ALMS1: variants seen among roughly 807,000 people sequenced by gnomAD.
ALMS1 encodes the protein ALMS1 centrosome and basal body associated protein, also known as centrosome-associated protein ALMS1.
Under a neutral mutation model 352.2 loss-of-function variants are expected in ALMS1, and 271 were observed. The observed-to-expected ratio is 0.77, with a 90% CI of 0.70 to 0.85. The LOEUF (loss-of-function observed/expected upper bound fraction) is 0.85. ALMS1 is among the 40% of genes least tolerant of loss of function. The pLI is 0.00. For synonymous variants in ALMS1, 1,865 were observed against 1,761.2 expected, an observed-to-expected ratio of 1.06 and a Z score of -1.48; for missense variants, 5,445 against 4,870.7, an observed-to-expected ratio of 1.12 and a Z score of -3.51.
Position 73,489,771 on chromosome 2 carries a change from C to G in ALMS1, c.7812C>G (p.Phe2604Leu), listed in dbSNP as rs201739856. 3.5e-5 allele frequency: 56 copies of G among 1,614,040 alleles called. No individual in the cohort carries two copies. Among genetic ancestry groups the G allele is most frequent in the Non-Finnish European group, 4.2e-5 (50 of 1,180,036 alleles). ...HPQLDRHPCA[F>L]RSAGPSEMTR... The stretch of plus-strand genomic sequence containing the variant: ...AACTAGATAGACACCCTTGTGCTTT[C>G]AGATCTGCTGGACCCTCAGAAATGA... The change falls in exon 10 of 23, where the codon TTC becomes TTG. Residue 2604 changes from phenylalanine to leucine, a missense_variant. By Grantham distance (22) the Phe-to-Leu change is conservative. Coordinates refer to ENST00000613296, the MANE Select transcript of ALMS1 (RefSeq NM_001378454.1).
intron 21 of ALMS1, 97 bp downstream of exon 21, chr2:73,603,401 C>A (rs891432745): frequency 4.9e-6 from 5 of 1,019,594 alleles, no homozygotes; most frequent in Admixed American, 3.8e-5. Flanking sequence ...GTATTATACT[C>A]AAGTTTAAAC....
rs565214018 is a variant in ALMS1 at position 73,450,228 on chromosome 2, C to T, written c.3701C>T (p.Pro1234Leu). The change falls in exon 8 of 23, where the codon CCA (proline) becomes CTA (leucine). Residue 1234 changes from proline (P) to leucine (L), a missense_variant. Coordinates refer to ENST00000613296, the MANE Select transcript of ALMS1 (RefSeq NM_001378454.1). Reference protein sequence around the residue: ...PADQKTGTPTPTSASYSHTEK... With the variant: ...PADQKTGTPTLTSASYSHTEK... ...GACCAGAAGACTGGGACACCAACTCCAACCTCTGCTTCTTACTCACACACA... is the reference window on the plus strand; with the variant it reads ...GACCAGAAGACTGGGACACCAACTCTAACCTCTGCTTCTTACTCACACACA... 1.9e-6 allele frequency: 3 copies of T among 1,613,188 alleles called. No individual in the cohort carries two copies. In the African/African-American group the frequency reaches 4.0e-5, roughly 22 times the overall value.
In ALMS1 at chr2:73,486,375, G is replaced by A. The variant is rs189875060; in HGVS notation, c.7675-3259G>A. On this transcript the variant is annotated intron_variant, in intron 9 of 22. Coordinates refer to ENST00000613296, the MANE Select transcript of ALMS1 (RefSeq NM_001378454.1). The stretch of plus-strand genomic sequence containing the variant: ...CCAGCAGAGATGAAAGTAAGTCCTG[G>A]GTTCCTCACTTGGCCTTTGCTGGTG... 1.3e-4 allele frequency among the ~76,000 whole-genome samples: 20 copies of A among 152,248 alleles called. 1 individual carries two copies. The highest frequency in any genetic ancestry group is 9.8e-4 in the Admixed American group (15 of 15,288).
chr2:73,475,128 G>C (rs1266194051), intron 9 of ALMS1, among the ~76,000 whole-genome samples: 2 of 151,998 alleles, frequency 1.3e-5, no homozygotes, highest in East Asian at 3.8e-4. Flanking sequence ...TAGATACTTT[G>C]TTTACTCATT....
Position 73,404,768 on chromosome 2 carries a change from A to G in ALMS1, c.325-3854A>G, listed in dbSNP as rs1670939795. On this transcript the variant is annotated intron_variant, in intron 1 of 22. Transcript: ENST00000613296. ...TTTGTCTGACTTTGGTATCAGGATA[A>G]TGCTGGCCTCATAGAATGATTTGGA... Among the ~76,000 whole-genome samples, 6 of 152,144 alleles carry G rather than the reference A, an allele frequency of 3.9e-5. No individual in the cohort carries two copies. The South Asian group carries it at 1.2e-3, about 32-fold the overall frequency.
Position 73,451,046 on chromosome 2 carries a change from G to A in ALMS1, c.4519G>A (p.Gly1507Arg). 1 of 1,613,894 alleles carries A rather than the reference G, an allele frequency of 6.2e-7. No homozygotes were observed. The highest frequency in any genetic ancestry group is 1.3e-5 in the African/African-American group (1 of 74,954). Reference protein sequence around the residue: ...EESLKVSVAPGPVGQTTGAPT... With the variant: ...EESLKVSVAPRPVGQTTGAPT... Reference sequence around the variant, plus strand: ...GTCTCTGAAAGTTTCAGTTGCTCCTGGACCAGTTGGCCAGACAACTGGCGC... The same window carrying A: ...GTCTCTGAAAGTTTCAGTTGCTCCTAGACCAGTTGGCCAGACAACTGGCGC... The change falls in exon 8 of 23, where the codon GGA becomes AGA. Residue 1507 changes from glycine to arginine, a missense_variant. Gly to Arg is a moderately radical substitution (Grantham distance 125). Coordinates refer to ENST00000613296, the MANE Select transcript of ALMS1 (RefSeq NM_001378454.1).
intron 12 of ALMS1, among the ~76,000 whole-genome samples, chr2:73,540,580 A>G (rs897638355): frequency 6.6e-6 from 1 of 152,246 alleles, no homozygotes; most frequent in Non-Finnish European, 1.5e-5. Flanking sequence ...CAGACTGGCA[A>G]ATTGGATAAA....
At chr2:73,476,297 G>C (rs1361915923) in intron 9 of ALMS1, among the ~76,000 whole-genome samples, 1 of 152,068 alleles carries the variant, frequency 6.6e-6, no homozygotes, top group African/African-American at 2.4e-5. Flanking sequence ...CCATTCATCT[G>C]TTGATAGACA....
intron 15 of ALMS1, among the ~76,000 whole-genome samples, chr2:73,565,725 A>G (rs1257015288): frequency 6.6e-6 from 1 of 152,242 alleles, no homozygotes; most frequent in Non-Finnish European, 1.5e-5. Context: ...ATATGTAATG[A>G]GAAATATATT....
intron 17 of ALMS1, among the ~76,000 whole-genome samples, chr2:73,599,855 T>TATAG (rs1675635661): frequency 6.6e-6 from 1 of 152,240 alleles, no homozygotes; most frequent in South Asian, 2.1e-4. Context: ...GAATTTAACC[T>TATAG]ATAGATATAC....
chr2:73,597,057 G>T (rs1675568099), intron 16 of ALMS1, among the ~76,000 whole-genome samples: 1 of 151,928 alleles, frequency 6.6e-6, no homozygotes, highest in African/African-American at 2.4e-5. Flanking sequence ...TCCAATCCAT[G>T]TATGGTGAGT....
chr2:73,466,640 A>G (rs1672352894), intron 9 of ALMS1, among the ~76,000 whole-genome samples: 1 of 152,126 alleles, frequency 6.6e-6, no homozygotes, highest in Admixed American at 6.6e-5. Context: ...TTAAAGTATA[A>G]TAATAATAAA....
chr2:73,442,498 A>G (rs1197528070), intron 7 of ALMS1, among the ~76,000 whole-genome samples: 1 of 152,130 alleles, frequency 6.6e-6, no homozygotes, highest in Non-Finnish European at 1.5e-5. Flanking sequence ...CTTACCATAA[A>G]CATATCACAC....
intron 16 of ALMS1, among the ~76,000 whole-genome samples, chr2:73,591,104 C>T (rs1675424160): frequency 1.3e-5 from 2 of 152,144 alleles, no homozygotes; most frequent in Admixed American, 1.3e-4. Flanking sequence ...GCCACTGTGC[C>T]TGGCTTCCTA....
chr2:73,484,025 C>T (rs1672770340), intron 9 of ALMS1, among the ~76,000 whole-genome samples: 1 of 151,640 alleles, frequency 6.6e-6, no homozygotes, highest in Non-Finnish European at 1.5e-5. Flanking sequence ...GACTCTTTAT[C>T]CAATTTGCCA....
rs549790014 is a variant in ALMS1, at chr2:73,546,782, C to T, written c.9908-3485C>T. 2.6e-5 allele frequency among the ~76,000 whole-genome samples: 4 copies of T among 152,264 alleles called. No homozygotes were observed. The South Asian group carries it at 8.3e-4, about 32-fold the overall frequency. Reference sequence around the variant, plus strand: ...CCCTGAAGCAGAAAAGAGCTTGATGCATTTGACAAATGGAAAGAAGGCAGC... The same window carrying T: ...CCCTGAAGCAGAAAAGAGCTTGATGTATTTGACAAATGGAAAGAAGGCAGC... On this transcript the variant is annotated intron_variant, in intron 12 of 22. Transcript: ENST00000613296.
At chr2:73,487,357 C>T (rs889121903) in intron 9 of ALMS1, among the ~76,000 whole-genome samples, 1 of 152,138 alleles carries the variant, frequency 6.6e-6, no homozygotes, top group Non-Finnish European at 1.5e-5. Flanking sequence ...AGTGCTGGCA[C>T]TGGTGCTGGC....
chr2:73,552,349 G>T (rs1017487312), intron 13 of ALMS1, among the ~76,000 whole-genome samples: 1 of 152,166 alleles, frequency 6.6e-6, no homozygotes, highest in Non-Finnish European at 1.5e-5. Context: ...GTTCATAAAT[G>T]AAAACTCTTC....
Position 73,450,443 on chromosome 2 carries a change from C to G in ALMS1, c.3916C>G (p.Leu1306Val), listed in dbSNP as rs1236808901. 6.2e-6 allele frequency: 10 copies of G among 1,613,036 alleles called. No individual in the cohort carries two copies. The highest frequency in any genetic ancestry group is 3.3e-5 in the South Asian group (3 of 91,026). ...FYQQSLPSSH[L>V]TEEAKNVSAV... ...CCAACAGTCGTTGCCAAGTAGTCATCTAACTGAAGAGGCTAAGAATGTTTC... is the reference window on the plus strand; with the variant it reads ...CCAACAGTCGTTGCCAAGTAGTCATGTAACTGAAGAGGCTAAGAATGTTTC... Residue 1306 changes from leucine to valine, a missense_variant, in exon 8 of 23, where the codon CTA (leucine) becomes GTA (valine). Coordinates refer to ENST00000613296, the MANE Select transcript of ALMS1 (RefSeq NM_001378454.1).
Sources: allele counts gnomAD v4.1 joint callset (sites outside exome capture counted in the v4.1 genomes callset), GRCh38; gene constraint gnomAD v4.1.1; transcripts MANE v1.5; gene names NCBI Gene and HGNC (gene_info 2026-07-23, HGNC 2026-07-21).